SLIT2: variants seen among roughly 807,000 people sequenced by gnomAD.
The protein encoded by SLIT2 is slit guidance ligand 2, also known as slit homolog 2 protein.
Under a neutral mutation model 185.7 loss-of-function variants are expected in SLIT2, and 41 were observed. That is an observed-to-expected ratio of 0.22 (90% CI 0.17 to 0.29). The LOEUF (loss-of-function observed/expected upper bound fraction) is 0.29. Ranked by LOEUF, SLIT2 falls within the 10% of genes least tolerant of loss-of-function variation. SLIT2 has a pLI of 1.00. For missense variants in SLIT2, 1,571 were observed against 1,909.0 expected (o/e 0.82, Z 3.30); for synonymous variants, 693 against 680.2 (o/e 1.02, Z -0.29).
chr4:20,585,892 A>G (rs1421338089), intron 29 of SLIT2, among the ~76,000 whole-genome samples: 1 of 152,238 alleles, frequency 6.6e-6, no homozygotes, highest in East Asian at 1.9e-4. Flanking sequence ...TAAAAATGGC[A>G]TCATGTCCTC....
chr4:20,403,975 A>G (rs1171270536), intron 4 of SLIT2, among the ~76,000 whole-genome samples: 1 of 151,970 alleles, frequency 6.6e-6, no homozygotes, highest in African/African-American at 2.4e-5. Context: ...GCATACAAAC[A>G]TGAAATGTCA....
At chr4:20,272,319 T>C (rs1713713936) in intron 4 of SLIT2, among the ~76,000 whole-genome samples, 1 of 151,704 alleles carries the variant, frequency 6.6e-6, no homozygotes, top group South Asian at 2.1e-4. Context: ...ACTTATAGAC[T>C]CTATCTTCCC....
chr4:20,546,059 GT>G lies in SLIT2; in HGVS notation c.2307del (p.Lys771ArgfsTer9). On this transcript the variant is annotated frameshift_variant, in exon 22 of 37. Transcript: ENST00000504154. LOFTEE classifies it high-confidence loss of function. The part of the protein sequence containing the change: ...LYLDGNQFTL[V>X]PKELSNYKHL... The stretch of plus-strand genomic sequence containing the variant: ...TCTGGATGGAAACCAATTTACACTG[GT>G]TCCCAAGGAACTCTCCAACTACAAA... 6.3e-7 allele frequency: 1 copy of G among 1,586,576 alleles called. No homozygotes were observed. Among genetic ancestry groups the G allele is most frequent in the Non-Finnish European group, 8.6e-7 (1 of 1,161,772 alleles).
intron 4 of SLIT2, among the ~76,000 whole-genome samples, chr4:20,375,144 T>C (rs1327761719): frequency 6.6e-6 from 1 of 152,128 alleles, no homozygotes; most frequent in African/African-American, 2.4e-5. Flanking sequence ...AGCTTAGTGA[T>C]CTAGACCATT....
At chr4:20,451,078 A>G (rs1292551961) in intron 4 of SLIT2, among the ~76,000 whole-genome samples, 1 of 152,026 alleles carries the variant, frequency 6.6e-6, no homozygotes, top group Non-Finnish European at 1.5e-5. Context: ...TCCACTAAGG[A>G]CTTTATTTTT....
At chr4:20,367,583 G>T (rs1723215661) in intron 4 of SLIT2, among the ~76,000 whole-genome samples, 1 of 152,006 alleles carries the variant, frequency 6.6e-6, no homozygotes, top group Admixed American at 6.6e-5. Context: ...GTTTATATTT[G>T]GACATACTAG....
intron 7 of SLIT2, 44 bp from the exon 8 acceptor site, chr4:20,488,775 G>C: frequency 6.8e-7 from 1 of 1,467,184 alleles, no homozygotes; most frequent in Middle Eastern, 2.1e-4. Context: ...ATGAAATAAC[G>C]ACTTTCTGTT....
chr4:20,550,551 T>G (rs148502374), intron 24 of SLIT2, among the ~76,000 whole-genome samples: 6 of 152,150 alleles, frequency 3.9e-5, no homozygotes, highest in African/African-American at 1.4e-4. Flanking sequence ...CCTTCCTCAC[T>G]CCACATTTAT....
Position 20,542,556 on chromosome 4 carries a change from A to G in SLIT2, c.2206A>G (p.Thr736Ala). ...RCPTECTCLD[T>A]VVRCSNKGLK... ...TCCTACTGAATGTACTTGCTTGGATACAGTCGTCCGATGTAGCAACAAGGG... is the reference window on the plus strand; with the variant it reads ...TCCTACTGAATGTACTTGCTTGGATGCAGTCGTCCGATGTAGCAACAAGGG... Residue 736 changes from threonine (T) to alanine (A), a missense_variant, in exon 21 of 37, where the codon ACA (threonine) becomes GCA (alanine). Physicochemically the swap from Thr to Ala is moderately conservative, Grantham distance 58. Coordinates refer to ENST00000504154, the MANE Select transcript of SLIT2 (RefSeq NM_004787.4). 1 of 1,613,744 alleles carries G rather than the reference A, an allele frequency of 6.2e-7. No homozygotes were observed. Among genetic ancestry groups the G allele is most frequent in the Non-Finnish European group, 8.5e-7 (1 of 1,179,672 alleles).
At chr4:20,618,707 T>C in intron 36 of SLIT2, 61 bp from the exon 37 acceptor site, 1 of 1,488,154 alleles carries the variant, frequency 6.7e-7, no homozygotes. Flanking sequence ...GGATTCACAG[T>C]CACTCTGCAT....
chr4:20,518,184 T>C (rs992348728), intron 11 of SLIT2, among the ~76,000 whole-genome samples: 1 of 141,380 alleles, frequency 7.1e-6, no homozygotes, highest in Admixed American at 7.0e-5. Flanking sequence ...TTTATATATA[T>C]ACATATACAT....
intron 4 of SLIT2, among the ~76,000 whole-genome samples, chr4:20,413,265 A>G (rs2109435394): frequency 6.6e-6 from 1 of 152,100 alleles, no homozygotes; most frequent in Admixed American, 6.5e-5. Context: ...AATTTCACAT[A>G]TTTGTGAATT....
At chr4:20,354,470 G>C (rs774789575) in intron 4 of SLIT2, among the ~76,000 whole-genome samples, 14 of 152,104 alleles carry the variant, frequency 9.2e-5, no homozygotes, top group Non-Finnish European at 1.6e-4. Context: ...ATGACCAAGG[G>C]CACAAAATTC....
chr4:20,569,349 G>T, intron 29 of SLIT2: 1 of 233,446 alleles, frequency 4.3e-6, no homozygotes, highest in East Asian at 1.2e-4. Context: ...GTGTAAAGAG[G>T]ACATTTATTT....
intron 4 of SLIT2, among the ~76,000 whole-genome samples, chr4:20,348,179 C>T (rs1283748948): frequency 6.6e-6 from 1 of 152,030 alleles, no homozygotes; most frequent in Non-Finnish European, 1.5e-5. Context: ...ACCAAATCAC[C>T]TGTTAAAATG....
chr4:20,427,015 T>C (rs1728613492), intron 4 of SLIT2, among the ~76,000 whole-genome samples: 1 of 152,140 alleles, frequency 6.6e-6, no homozygotes, highest in African/African-American at 2.4e-5. Flanking sequence ...AACCAAACAC[T>C]ATGTAACATT....
intron 4 of SLIT2, among the ~76,000 whole-genome samples, chr4:20,318,541 G>A (rs544631139): frequency 1.3e-5 from 2 of 152,222 alleles, no homozygotes; most frequent in South Asian, 4.2e-4. Context: ...AAGGGGCTTC[G>A]GCTGCTGTTG....
intron 4 of SLIT2, among the ~76,000 whole-genome samples, chr4:20,402,182 A>G (rs954724682): frequency 1.3e-5 from 2 of 151,820 alleles, no homozygotes; most frequent in South Asian, 2.1e-4. Flanking sequence ...TGCTAGAGTC[A>G]TATAGCTGGG....
At chr4:20,375,891 T>C (rs1219392161) in intron 4 of SLIT2, among the ~76,000 whole-genome samples, 1 of 152,020 alleles carries the variant, frequency 6.6e-6, no homozygotes. Flanking sequence ...AGCATCAGGA[T>C]CCCTTTATAT....
Sources: allele counts gnomAD v4.1 joint callset (sites outside exome capture counted in the v4.1 genomes callset), GRCh38; gene constraint gnomAD v4.1.1; transcripts MANE v1.5; gene names NCBI Gene and HGNC (gene_info 2026-07-23, HGNC 2026-07-21).